Variants in RARB observed in about 807,000 individuals in gnomAD.
The protein encoded by RARB is HBV-activated protein.
A neutral mutation model predicts 51.9 loss-of-function variants in RARB; 17 were observed. The observed-to-expected ratio is 0.33, with a 90% CI of 0.22 to 0.49. The LOEUF (loss-of-function observed/expected upper bound fraction) is 0.49. Ranked by LOEUF, RARB falls within the 20% of genes least tolerant of loss-of-function variation. The pLI is 0.99. For missense variants in RARB, 369 were observed against 550.8 expected, an observed-to-expected ratio of 0.67 and a Z score of 3.30; for synonymous variants, 215 against 195.4, an observed-to-expected ratio of 1.10 and a Z score of -0.84.
intron 4 of RARB, among the ~76,000 whole-genome samples, chr3:25,139,878 C>G (rs1375701544): frequency 1.3e-5 from 2 of 152,096 alleles, no homozygotes; most frequent in Non-Finnish European, 2.9e-5. Flanking sequence ...TCTTAGGGCC[C>G]TTAATAATTA....
intron 5 of RARB, among the ~76,000 whole-genome samples, chr3:25,273,043 C>T (rs781429059): frequency 7.2e-5 from 11 of 152,282 alleles, no homozygotes; most frequent in Non-Finnish European, 1.6e-4. Flanking sequence ...TTACATTCCC[C>T]ATAAGCTGAT....
chr3:25,354,269 T>A (rs531514086), intron 5 of RARB, among the ~76,000 whole-genome samples: 7 of 152,230 alleles, frequency 4.6e-5, no homozygotes, highest in African/African-American at 1.7e-4. Context: ...AAAAATCCCC[T>A]GTAACTTTTT....
At chr3:24,834,602 C>T (rs1203889775) in intron 1 of RARB, among the ~76,000 whole-genome samples, 3 of 152,132 alleles carry the variant, frequency 2.0e-5, no homozygotes, top group South Asian at 2.1e-4. Flanking sequence ...ACATCTGAGA[C>T]GTGGAAGGTT....
chr3:25,427,155 T>C (rs556680361), upstream of RARB, among the ~76,000 whole-genome samples: 4 of 152,312 alleles, frequency 2.6e-5, no homozygotes, highest in South Asian at 8.3e-4. Context: ...CAAGTAATTT[T>C]CACATTGGAC....
chr3:24,930,519 C>T (rs1392643997), intron 2 of RARB, among the ~76,000 whole-genome samples: 1 of 152,090 alleles, frequency 6.6e-6, no homozygotes, highest in Non-Finnish European at 1.5e-5. Flanking sequence ...TCCATTATAG[C>T]AGGTGCTTCC....
chr3:25,329,113 C>T (rs1704814224), intron 5 of RARB, among the ~76,000 whole-genome samples: 1 of 152,178 alleles, frequency 6.6e-6, no homozygotes, highest in Admixed American at 6.5e-5. Flanking sequence ...CATAGATGAA[C>T]AAAAGGCAGC....
At chr3:24,833,977 T>C (rs1444577232) in intron 1 of RARB, among the ~76,000 whole-genome samples, 1 of 152,242 alleles carries the variant, frequency 6.6e-6, no homozygotes, top group Non-Finnish European at 1.5e-5. Context: ...ACATGATAGA[T>C]GTGTGTGACT....
chr3:25,046,438 G>T (rs952900831), intron 2 of RARB, among the ~76,000 whole-genome samples: 1 of 151,980 alleles, frequency 6.6e-6, no homozygotes, highest in Non-Finnish European at 1.5e-5. Context: ...GGCTTCTATT[G>T]GGGTATAAAA....
At chr3:25,462,717 T>G (rs985021535) in intron 2 of RARB, among the ~76,000 whole-genome samples, 3 of 152,228 alleles carry the variant, frequency 2.0e-5, no homozygotes, top group African/African-American at 7.2e-5. Context: ...GGCTCCACCA[T>G]GTATCTCTGG....
chr3:25,290,297 AG>A (rs1332359446), intron 5 of RARB, among the ~76,000 whole-genome samples: 1 of 152,154 alleles, frequency 6.6e-6, no homozygotes, highest in Admixed American at 6.5e-5. Flanking sequence ...TGAGAAGACA[AG>A]ATTAGGACAC....
intron 2 of RARB, among the ~76,000 whole-genome samples, chr3:24,925,032 C>A (rs1000514874): frequency 1.3e-5 from 2 of 152,060 alleles, no homozygotes; most frequent in African/African-American, 4.8e-5. Context: ...ACCCAATATT[C>A]TTTGGCACAA....
intron 1 of RARB, among the ~76,000 whole-genome samples, chr3:25,431,886 C>A (rs912796545): frequency 1.3e-5 from 2 of 152,136 alleles, no homozygotes; most frequent in Non-Finnish European, 2.9e-5. Context: ...TAAACAGTAT[C>A]TAAATCCTCT....
At chr3:25,334,666 C>A (rs964031060) in intron 5 of RARB, among the ~76,000 whole-genome samples, 1 of 151,850 alleles carries the variant, frequency 6.6e-6, no homozygotes, top group East Asian at 1.9e-4. Context: ...TACCCTAGAA[C>A]TTAAAGTGTA....
chr3:25,221,366 A>G (rs187100277), intron 5 of RARB, among the ~76,000 whole-genome samples: 18 of 152,356 alleles, frequency 1.2e-4, no homozygotes, highest in Admixed American at 4.6e-4. Flanking sequence ...TATGTCTTAC[A>G]TAACACAGGT....
intron 2 of RARB, among the ~76,000 whole-genome samples, chr3:24,958,265 T>TTTTTTTG (rs1696064046): frequency 5.9e-5 from 7 of 118,848 alleles, no homozygotes; most frequent in African/African-American, 2.9e-4. Context: ...GTTTTTTTTT[T>TTTTTTTG]TTTTTTTTTT....
intron 4 of RARB, among the ~76,000 whole-genome samples, chr3:25,576,993 G>A (rs1700963352): frequency 2.0e-5 from 3 of 152,342 alleles, no homozygotes; most frequent in Admixed American, 6.5e-5. Flanking sequence ...TCATAGCTGT[G>A]CTGGAGCTCT....
At chr3:25,494,266 C>A (rs1343678260) in intron 2 of RARB, among the ~76,000 whole-genome samples, 2 of 151,874 alleles carry the variant, frequency 1.3e-5, no homozygotes, top group Non-Finnish European at 2.9e-5. Flanking sequence ...CACACACACA[C>A]ACACACACAC....
At position 24,889,455 on chromosome 3, in the gene RARB, ACAT is replaced by A. The variant is rs1445457563; in HGVS notation, c.-380+30708_-380+30710del. 2.6e-5 allele frequency among the ~76,000 whole-genome samples: 4 copies of A among 152,204 alleles called. No individual in the cohort carries two copies. In the South Asian group the frequency reaches 6.2e-4, roughly 24 times the overall value. On this transcript the variant is annotated intron_variant, in intron 2 of 11. Coordinates refer to the RARB transcript ENST00000383772. ...ACCTTTATATTTGTAAAAAGGAAGA[ACAT>A]CATCTCAGAAAATAGCAAGGCAAAC...
At chr3:25,487,635 A>G (rs1696536236) in intron 2 of RARB, among the ~76,000 whole-genome samples, 1 of 152,194 alleles carries the variant, frequency 6.6e-6, no homozygotes, top group African/African-American at 2.4e-5. Context: ...AAAAGAGATG[A>G]TGTTCTGAAA....
Sources: allele counts gnomAD v4.1 joint callset (sites outside exome capture counted in the v4.1 genomes callset), GRCh38; gene constraint gnomAD v4.1.1; transcripts MANE v1.5; gene names NCBI Gene and HGNC (gene_info 2026-07-23, HGNC 2026-07-21).